The following HMG20A variants were observed in gnomAD, a reference collection of about 807,000 sequenced individuals.
HMG20A encodes high mobility group 20A, also known as high mobility group protein 20A.
A neutral mutation model predicts 43.9 loss-of-function variants in HMG20A; 17 were observed. The ratio of observed to expected loss-of-function variants is 0.39; its 90% CI spans 0.27 to 0.58. The LOEUF is 0.58. HMG20A is among the 20% of genes least tolerant of loss of function. The pLI, the probability that HMG20A is intolerant of heterozygous loss-of-function variation, is 0.59. For synonymous variants in HMG20A, 132 were observed against 147.5 expected (o/e 0.89, Z 0.76); for missense variants, 341 against 438.2 (o/e 0.78, Z 1.98).
At chr15:77,446,093 C>G (rs1437488757) in intron 1 of HMG20A, among the ~76,000 whole-genome samples, 1 of 152,050 alleles carries the variant, frequency 6.6e-6, no homozygotes, top group Non-Finnish European at 1.5e-5. Context: ...GTGTAAGGAC[C>G]CAGAGCTGTG....
chr15:77,462,913 C>T (rs970105499), intron 2 of HMG20A, among the ~76,000 whole-genome samples: 2 of 151,848 alleles, frequency 1.3e-5, no homozygotes, highest in Admixed American at 6.6e-5. Context: ...GCTAGGATTA[C>T]AGGCACTGCC....
At chr15:77,454,628 T>C (rs375697923) in intron 1 of HMG20A, among the ~76,000 whole-genome samples, 1 of 152,184 alleles carries the variant, frequency 6.6e-6, no homozygotes, top group Non-Finnish European at 1.5e-5. Context: ...GTCATTTTTT[T>C]CCTCCACCAT....
intron 1 of HMG20A, among the ~76,000 whole-genome samples, chr15:77,445,750 G>A (rs2073667146): frequency 6.6e-6 from 1 of 152,154 alleles, no homozygotes; most frequent in South Asian, 2.1e-4. Flanking sequence ...AACCTAGAAG[G>A]CTGCTAAGTG....
downstream of HMG20A, among the ~76,000 whole-genome samples, chr15:77,487,108 A>C (rs577823306): frequency 6.6e-6 from 1 of 152,196 alleles, no homozygotes; most frequent in Non-Finnish European, 1.5e-5. Context: ...AAAAGAGGGC[A>C]AGGACAAAAT....
intron 1 of HMG20A, among the ~76,000 whole-genome samples, chr15:77,439,672 A>G (rs2073590063): frequency 6.6e-6 from 1 of 152,158 alleles, no homozygotes; most frequent in African/African-American, 2.4e-5. Context: ...TGAGGCTATT[A>G]TTTAAAAAGC....
At chr15:77,476,556 T>G (rs1257884163) in intron 6 of HMG20A, among the ~76,000 whole-genome samples, 3 of 151,772 alleles carry the variant, frequency 2.0e-5, no homozygotes, top group African/African-American at 4.8e-5. Flanking sequence ...TGTCTAGCTT[T>G]AAACAATTGT....
intron 1 of HMG20A, among the ~76,000 whole-genome samples, chr15:77,454,157 G>A (rs376786535): frequency 4.0e-5 from 6 of 148,604 alleles, no homozygotes; most frequent in East Asian, 2.0e-4. Flanking sequence ...GCAGGACCCT[G>A]TCTCTTAAAA....
the HMG20A span, among the ~76,000 whole-genome samples, chr15:77,518,674 C>T: frequency 6.6e-6 from 1 of 152,210 alleles, no homozygotes; most frequent in Non-Finnish European, 1.5e-5. Context: ...TTGCCTCTCG[C>T]TTTGCACCAC....
At chr15:77,465,792 G>T (rs975856808) in intron 3 of HMG20A, among the ~76,000 whole-genome samples, 2 of 152,210 alleles carry the variant, frequency 1.3e-5, no homozygotes, top group Non-Finnish European at 2.9e-5. Flanking sequence ...TATATATTTG[G>T]AGGAGTAGAG....
intron 1 of HMG20A, among the ~76,000 whole-genome samples, chr15:77,457,170 G>A (rs539757517): frequency 5.3e-5 from 8 of 152,172 alleles, no homozygotes; most frequent in Admixed American, 2.0e-4. Context: ...TTATCTTTTG[G>A]AAATAAATCA....
At position 77,447,438 on chromosome 15, in the gene HMG20A, C is replaced by T. The variant is rs547669862; in HGVS notation, c.-4-10966C>T. On this transcript the variant is annotated intron_variant, in intron 1 of 9. Coordinates refer to ENST00000336216, the MANE Select transcript of HMG20A (RefSeq NM_001304504.2). The stretch of plus-strand genomic sequence containing the variant: ...TTTTCTTCACAACACATTTTCCGTC[C>T]TAATATTGACAGTTCTCCATCAAGG... Among the ~76,000 whole-genome samples the T allele has an allele frequency of 3.3e-5, 5 of 152,184 alleles. No individual in the cohort carries two copies. The East Asian group carries it at 9.6e-4, about 29-fold the overall frequency.
At chr15:77,450,275 C>T (rs1212449164) in intron 1 of HMG20A, among the ~76,000 whole-genome samples, 4 of 152,052 alleles carry the variant, frequency 2.6e-5, no homozygotes, top group South Asian at 2.1e-4. Flanking sequence ...GGACTACAGG[C>T]GCCCACCACC....
Position 77,479,204 on chromosome 15 carries a change from C to T in HMG20A, c.933C>T (p.Asp311=). The T allele has an allele frequency of 6.2e-7, 1 of 1,613,672 alleles. No individual in the cohort carries two copies. Among genetic ancestry groups the T allele is most frequent in the East Asian group, 2.2e-5 (1 of 44,878 alleles). ...LPGSGETPTV[D]TIDSYMNRLH... ...GAAGTGGAGAGACACCTACAGTGGACACCATTGACTCATATATGAACAGAC... is the reference window on the plus strand; with the variant it reads ...GAAGTGGAGAGACACCTACAGTGGATACCATTGACTCATATATGAACAGAC... The change falls in exon 9 of 10, where the codon GAC becomes GAT. Residue 311 remains aspartate (D), a synonymous_variant. Transcript: ENST00000336216.
chr15:77,424,019 T>TA lies in HMG20A; in HGVS notation c.-5+3016dup, dbSNP rs139572929. On this transcript the variant is annotated intron_variant, in intron 1 of 9. Coordinates refer to ENST00000336216, the MANE Select transcript of HMG20A (RefSeq NM_001304504.2). ...TTCTCAGGACTTTGAATACAGTAAA[T>TA]ACGGCCAAATATTCATATTCTACTG... Among the ~76,000 whole-genome samples, 1,011 of 152,302 alleles carry TA rather than the reference T, an allele frequency of 6.6e-3. 12 individuals are homozygous for TA. Among genetic ancestry groups the TA allele is most frequent in the African/African-American group, 0.023 (963 of 41,550 alleles).
At chr15:77,456,075 C>T (rs2072651450) in intron 1 of HMG20A, among the ~76,000 whole-genome samples, 1 of 152,066 alleles carries the variant, frequency 6.6e-6, no homozygotes. Flanking sequence ...GGTTTGAATA[C>T]AACAAACTTA....
intron 2 of HMG20A, among the ~76,000 whole-genome samples, chr15:77,462,164 T>TA (rs2142331149): frequency 6.6e-6 from 1 of 152,316 alleles, no homozygotes; most frequent in East Asian, 1.9e-4. Flanking sequence ...AAACTATACT[T>TA]AACTAAAATT....
intron 1 of HMG20A, among the ~76,000 whole-genome samples, chr15:77,447,051 T>C (rs933435414): frequency 3.3e-5 from 5 of 152,166 alleles, no homozygotes; most frequent in African/African-American, 1.2e-4. Context: ...AGTACACCCA[T>C]GTCCCAGGAA....
chr15:77,471,866 C>G (rs2072812369), intron 6 of HMG20A, 52 bp downstream of exon 6: 2 of 982,702 alleles, frequency 2.0e-6, no homozygotes, highest in Non-Finnish European at 2.9e-6. Context: ...AATAATGTTG[C>G]TTTTTGAAAT....
chr15:77,503,904 A>G, the HMG20A span, among the ~76,000 whole-genome samples: 1 of 152,166 alleles, frequency 6.6e-6, no homozygotes, highest in African/African-American at 2.4e-5. Context: ...CAACCTGTAC[A>G]GCTGCACATG....
Sources: gnomAD v4.1 joint callset for allele counts (sites outside exome capture counted in the v4.1 genomes callset) on GRCh38, gnomAD v4.1.1 for gene constraint, MANE v1.5 for transcripts, NCBI Gene and HGNC (gene_info 2026-07-23, HGNC 2026-07-21) for gene names.